CADPS2: variants seen among roughly 807,000 people sequenced by gnomAD.
CADPS2 encodes calcium dependent secretion activator 2, also known as calcium-dependent secretion activator 2.
CADPS2 carries 93 observed loss-of-function variants against 172.5 expected under a neutral mutation model. The ratio of observed to expected loss-of-function variants is 0.54; its 90% confidence interval spans 0.46 to 0.64. CADPS2 has a LOEUF of 0.64. Among genes scored for constraint, CADPS2 ranks in the 30% least tolerant of loss-of-function variants. The pLI is 0.00. For synonymous variants in CADPS2, 546 were observed against 555.2 expected, an observed-to-expected ratio of 0.98 and a Z score of 0.23; for missense variants, 1,420 against 1,565.9, an observed-to-expected ratio of 0.91 and a Z score of 1.57.
chr7:122,597,171 A>G (rs2071944302), intron 6 of CADPS2, among the ~76,000 whole-genome samples: 1 of 152,090 alleles, frequency 6.6e-6, no homozygotes. Context: ...ACATTACTAC[A>G]TGAGGCTTGG....
Position 122,490,198 on chromosome 7 carries a change from T to C in CADPS2, c.1735A>G (p.Ile579Val), listed in dbSNP as rs1202522690. 2.5e-6 allele frequency: 4 copies of C among 1,613,432 alleles called. No individual in the cohort carries two copies. The highest frequency in any genetic ancestry group is 1.1e-5 in the South Asian group (1 of 91,078). Residue 579 changes from isoleucine to valine, a missense_variant, in exon 11 of 30, where the codon ATA becomes GTA. Physicochemically the swap from Ile to Val is conservative, Grantham distance 29 (BLOSUM62 3). Transcript: ENST00000449022. ...CTATACATGGCTTGAACCCATAATA[T>C]TCTGTCCTGTTCATCATCACTGGCA... The part of the protein sequence containing the change: ...IFASDDEQDR[I>V]LWVQAMYRAT...
At chr7:122,782,520 A>T (rs777484573) in intron 1 of CADPS2, among the ~76,000 whole-genome samples, 6 of 152,166 alleles carry the variant, frequency 3.9e-5, no homozygotes, top group Admixed American at 3.3e-4. Context: ...CTAAGGTGGG[A>T]GAATCATTTG....
intron 3 of CADPS2, among the ~76,000 whole-genome samples, chr7:122,632,911 T>C (rs796242140): frequency 3.9e-5 from 6 of 152,328 alleles, no homozygotes; most frequent in African/African-American, 1.4e-4. Flanking sequence ...TTCTTCTGCA[T>C]ATGGCTAGCC....
chr7:122,412,849 G>C (rs1368881952), intron 19 of CADPS2: 1 of 152,252 alleles, frequency 6.6e-6, no homozygotes, highest in Non-Finnish European at 1.5e-5. Context: ...AAGGAAGGAA[G>C]AGAATGACAG....
At chr7:122,576,236 C>A (rs1021872925) in intron 7 of CADPS2, among the ~76,000 whole-genome samples, 15 of 152,094 alleles carry the variant, frequency 9.9e-5, no homozygotes, top group African/African-American at 3.6e-4. Flanking sequence ...GGCAAGAATA[C>A]CACAGGGGCA....
At chr7:122,382,212 T>G (rs1247862844) in intron 24 of CADPS2, 5 of 152,156 alleles carry the variant, frequency 3.3e-5, no homozygotes. Flanking sequence ...AATAATGTAT[T>G]TCAGGAAAAT....
chr7:122,426,595 C>A (rs963923605), intron 17 of CADPS2, among the ~76,000 whole-genome samples: 3 of 152,196 alleles, frequency 2.0e-5, no homozygotes, highest in African/African-American at 4.8e-5. Context: ...TACTTATAAA[C>A]CCTGTTGATA....
intron 20 of CADPS2, among the ~76,000 whole-genome samples, chr7:122,404,708 C>A (rs1486961369): frequency 6.6e-6 from 1 of 152,202 alleles, no homozygotes; most frequent in Non-Finnish European, 1.5e-5. Flanking sequence ...GATGGTATCT[C>A]ATTGTGGTTT....
intron 17 of CADPS2, chr7:122,426,344 AT>A (rs2049170859): frequency 6.6e-6 from 1 of 152,198 alleles, no homozygotes; most frequent in Non-Finnish European, 1.5e-5. Flanking sequence ...CACTTTGAAT[AT>A]TTCTACAGCT....
chr7:122,865,124 G>A lies in CADPS2; in HGVS notation c.339+20875C>T, dbSNP rs183094027. 1.7e-3 allele frequency among the ~76,000 whole-genome samples: 261 copies of A among 152,210 alleles called. 3 individuals are homozygous for A. The highest frequency in any genetic ancestry group is 6.0e-3 in the African/African-American group (250 of 41,496). On this transcript the variant is annotated intron_variant, in intron 1 of 29. Transcript: ENST00000449022. Reference sequence around the variant, plus strand: ...CTGTTAGTTTCCGTGAGGGATGGTTGTTAAAATGAGTCTGGCATCTCCTCT... The same window carrying A: ...CTGTTAGTTTCCGTGAGGGATGGTTATTAAAATGAGTCTGGCATCTCCTCT...
At chr7:122,461,510 C>CT (rs961563963) in intron 14 of CADPS2, among the ~76,000 whole-genome samples, 19 of 152,072 alleles carry the variant, frequency 1.2e-4, no homozygotes, top group Non-Finnish European at 2.6e-4. Context: ...ACAAAAGAAT[C>CT]TTTTTTTAAA....
intron 2 of CADPS2, chr7:122,702,753 C>T: frequency 1.3e-6 from 2 of 1,584,220 alleles, no homozygotes; most frequent in Non-Finnish European, 1.7e-6. Flanking sequence ...AAGCTCATGC[C>T]TCCATTTGTC....
intron 19 of CADPS2, chr7:122,412,740 C>T (rs559724157): frequency 2.6e-5 from 4 of 152,324 alleles, no homozygotes; most frequent in African/African-American, 9.6e-5. Flanking sequence ...GAGTCGTGCT[C>T]ATATTTTTCA....
intron 1 of CADPS2, among the ~76,000 whole-genome samples, chr7:122,783,538 T>C (rs1331073002): frequency 1.3e-5 from 2 of 152,162 alleles, no homozygotes; most frequent in African/African-American, 2.4e-5. Context: ...GGATGAATAA[T>C]GTACACTGAC....
At position 122,847,417 on chromosome 7, in the gene CADPS2, C is replaced by T. The variant is rs1812289990; in HGVS notation, c.339+38582G>A. Among the ~76,000 whole-genome samples, 3 of 152,174 alleles carry T rather than the reference C, an allele frequency of 2.0e-5. No homozygotes were observed. The South Asian group carries it at 6.2e-4, about 32-fold the overall frequency. The stretch of plus-strand genomic sequence containing the variant: ...TCATCTCTTCTAATCTAGCTCAACA[C>T]TCAACTCCTGTTAGAAATCTGTGAT... On this transcript the variant is annotated intron_variant, in intron 1 of 29. Transcript: ENST00000449022.
chr7:122,400,352 G>A (rs749001502), intron 20 of CADPS2, among the ~76,000 whole-genome samples: 2 of 152,006 alleles, frequency 1.3e-5, no homozygotes, highest in Non-Finnish European at 2.9e-5. Flanking sequence ...CAGGAGAATT[G>A]CTTGAATCTG....
At chr7:122,797,271 T>C (rs1589256598) in intron 1 of CADPS2, among the ~76,000 whole-genome samples, 1 of 152,192 alleles carries the variant, frequency 6.6e-6, no homozygotes, top group Non-Finnish European at 1.5e-5. Flanking sequence ...AGTTCAACCA[T>C]TGTGGAACAC....
intron 1 of CADPS2, among the ~76,000 whole-genome samples, chr7:122,815,655 A>C (rs1801150282): frequency 6.6e-6 from 1 of 152,162 alleles, no homozygotes; most frequent in African/African-American, 2.4e-5. Flanking sequence ...GAAACGTTAG[A>C]CATCGACAAA....
intron 2 of CADPS2, among the ~76,000 whole-genome samples, chr7:122,726,570 A>G (rs1163707254): frequency 6.6e-6 from 1 of 152,008 alleles, no homozygotes; most frequent in African/African-American, 2.4e-5. Flanking sequence ...TTAATGATAA[A>G]AAGAACTATT....
Sources: gnomAD v4.1 joint callset for allele counts (sites outside exome capture counted in the v4.1 genomes callset) on GRCh38, gnomAD v4.1.1 for gene constraint, MANE v1.5 for transcripts, NCBI Gene and HGNC (gene_info 2026-07-23, HGNC 2026-07-21) for gene names.